The following CCDC18 variants were observed in gnomAD, a reference collection of about 807,000 sequenced individuals.
CCDC18 encodes the protein coiled-coil domain-containing protein 18.
Under a neutral mutation model 196.0 loss-of-function variants are expected in CCDC18, and 157 were observed. The ratio of observed to expected loss-of-function variants is 0.80; its 90% CI spans 0.70 to 0.91. The LOEUF (loss-of-function observed/expected upper bound fraction) is 0.91, where lower values mean the gene tolerates loss of function less well. CCDC18 is among the 40% of genes least tolerant of loss of function. The probability of loss-of-function intolerance (pLI) is 0.00; values close to 1 mark genes in which losing one functional copy is unlikely to be tolerated. For synonymous variants in CCDC18, 482 were observed against 529.2 expected, an observed-to-expected ratio of 0.91 and a Z score of 1.22; for missense variants, 1,465 against 1,611.6, an observed-to-expected ratio of 0.91 and a Z score of 1.56.
intron 4 of CCDC18, among the ~76,000 whole-genome samples, chr1:93,187,573 T>C (rs1198980313): frequency 1.3e-5 from 2 of 152,110 alleles, no homozygotes; most frequent in Admixed American, 6.5e-5. Context: ...TTATAAACAT[T>C]GTATACATAC....
At chr1:93,184,193 G>T in intron 3 of CCDC18, 47 bp downstream of exon 3, 1 of 1,187,832 alleles carries the variant, frequency 8.4e-7, no homozygotes, top group Non-Finnish European at 1.1e-6. Flanking sequence ...TTGGTTTTAG[G>T]CCTGTCTACT....
chr1:93,190,348 C>T (rs968179666), intron 4 of CCDC18, among the ~76,000 whole-genome samples: 3 of 152,102 alleles, frequency 2.0e-5, no homozygotes, highest in South Asian at 2.1e-4. Flanking sequence ...ATTAGCTGGG[C>T]GTGGTGATGT....
At position 93,207,269 on chromosome 1, in the gene CCDC18, A is replaced by C; in HGVS notation, c.1080A>C (p.Leu360Phe). Residue 360 changes from leucine to phenylalanine, a missense_variant, in exon 9 of 29, where the codon TTA becomes TTC. Transcript: ENST00000690025. ...KDEILRDKFS[L>F]MNENRELKVR... ...AAATACTTAGAGACAAATTTTCTTT[A>C]ATGAATGAAAACCGAGAATTAAAGG... 2 of 1,613,722 alleles carry C rather than the reference A, an allele frequency of 1.2e-6. No individual in the cohort carries two copies. The highest frequency in any genetic ancestry group is 8.5e-7 in the Non-Finnish European group (1 of 1,179,728).
Position 93,201,915 on chromosome 1 carries a change from C to T in CCDC18, c.722C>T (p.Ala241Val). 3 of 1,598,138 alleles carry T rather than the reference C, an allele frequency of 1.9e-6. No individual in the cohort carries two copies. Among genetic ancestry groups the T allele is most frequent in the South Asian group, 2.3e-5 (2 of 87,890 alleles). Residue 241 changes from alanine to valine, a missense_variant, in exon 7 of 29, where the codon GCA (alanine) becomes GTA (valine). By Grantham distance (64) the Ala-to-Val change is moderately conservative (BLOSUM62 0). Coordinates refer to ENST00000690025, the MANE Select transcript of CCDC18 (RefSeq NM_001378204.1). ...AGAGCTGAACGACAAAGGAATGAAG[C>T]ACTATATAATGCCGAAGAGCTGAGT... The part of the protein sequence containing the change: ...GKRAERQRNE[A>V]LYNAEELSKA...
intron 4 of CCDC18, among the ~76,000 whole-genome samples, chr1:93,188,411 T>C (rs1651095292): frequency 6.6e-6 from 1 of 152,232 alleles, no homozygotes; most frequent in Non-Finnish European, 1.5e-5. Flanking sequence ...GTTTCCTGAA[T>C]TCTATTTTTT....
At chr1:93,266,048 A>G (rs1664459482) in intron 27 of CCDC18, among the ~76,000 whole-genome samples, 1 of 152,254 alleles carries the variant, frequency 6.6e-6, no homozygotes, top group African/African-American at 2.4e-5. Context: ...TTGGAAATAA[A>G]GCATTCTTCA....
chr1:93,265,644 A>AG (rs1664399208), intron 27 of CCDC18, among the ~76,000 whole-genome samples: 1 of 152,192 alleles, frequency 6.6e-6, no homozygotes, highest in African/African-American at 2.4e-5. Flanking sequence ...TTGGCACTCT[A>AG]GCCACTTTAA....
chr1:93,238,326 G>A (rs1009302877), intron 19 of CCDC18, among the ~76,000 whole-genome samples: 1 of 152,142 alleles, frequency 6.6e-6, no homozygotes, highest in Admixed American at 6.5e-5. Context: ...GGACATATTT[G>A]AGGATCTGGT....
intron 17 of CCDC18, among the ~76,000 whole-genome samples, chr1:93,230,303 C>T (rs760349424): frequency 2.6e-5 from 4 of 151,314 alleles, no homozygotes; most frequent in Non-Finnish European, 2.9e-5. Context: ...AGATCTAACA[C>T]GGTGAAACCC....
At position 93,235,182 on chromosome 1, in the gene CCDC18, G is replaced by A. The variant is rs991456570; in HGVS notation, c.2461-1066G>A. 2.6e-5 allele frequency among the ~76,000 whole-genome samples: 4 copies of A among 151,874 alleles called. No homozygotes were observed. The East Asian group carries it at 7.7e-4, about 29-fold the overall frequency. ...CTTCAGTGAGGGATTTTAGAAGAAC[G>A]GGGGATATGCAGGTCAGAGTTGAGA... On this transcript the variant is annotated intron_variant, in intron 18 of 28. Coordinates refer to ENST00000690025, the MANE Select transcript of CCDC18 (RefSeq NM_001378204.1).
At chr1:93,193,457 TTAACAAG>T (rs1448223841) in intron 5 of CCDC18, among the ~76,000 whole-genome samples, 152 bp from the exon 6 acceptor site, 3 of 152,212 alleles carry the variant, frequency 2.0e-5, no homozygotes, top group Non-Finnish European at 4.4e-5. Context: ...AAACTCTTAA[TTAACAAG>T]TGATGAATAT....
In CCDC18 at chr1:93,232,454, TAA is replaced by T. The variant is rs750060747; in HGVS notation, c.2326_2327del (p.Asn776SerfsTer8). The T allele has an allele frequency of 2.5e-6, 4 of 1,605,598 alleles. No homozygotes were observed. Among genetic ancestry groups the T allele is most frequent in the Admixed American group, 3.4e-5 (2 of 59,076 alleles). ...TATTGTTTACAGAAAGAGCTAAAGATAAAAAATCACAGTCTTCAAGAGACTTC... is the reference window on the plus strand; with the variant it reads ...TATTGTTTACAGAAAGAGCTAAAGATAAAATCACAGTCTTCAAGAGACTTC... On this transcript the variant is annotated frameshift_variant, in exon 18 of 29. Transcript: ENST00000690025. LOFTEE classifies it high-confidence loss of function.
At chr1:93,272,149 G>A (rs1665326825) in intron 28 of CCDC18, among the ~76,000 whole-genome samples, 1 of 152,156 alleles carries the variant, frequency 6.6e-6, no homozygotes, top group African/African-American at 2.4e-5. Flanking sequence ...AAATTGTTGA[G>A]TGAGTTTTTC....
chr1:93,188,846 T>C (rs569418911), intron 4 of CCDC18, among the ~76,000 whole-genome samples: 1 of 152,200 alleles, frequency 6.6e-6, no homozygotes, highest in Non-Finnish European at 1.5e-5. Flanking sequence ...TTTTTAATTT[T>C]TGTGGGTACA....
At chr1:93,196,353 T>C (rs1266480383) in intron 6 of CCDC18, among the ~76,000 whole-genome samples, 1 of 110,116 alleles carries the variant, frequency 9.1e-6, no homozygotes, top group Non-Finnish European at 2.3e-5. Context: ...TGGAAAGAAA[T>C]GTTTCAGATA....
At chr1:93,202,687 G>T (rs1654030136) in intron 7 of CCDC18, among the ~76,000 whole-genome samples, 2 of 152,136 alleles carry the variant, frequency 1.3e-5, no homozygotes, top group African/African-American at 4.8e-5. Flanking sequence ...AAGAAGATGG[G>T]TGTTCATTTA....
intron 16 of CCDC18, among the ~76,000 whole-genome samples, chr1:93,223,820 T>C (rs1432508351): frequency 1.3e-5 from 2 of 151,960 alleles, no homozygotes; most frequent in Non-Finnish European, 2.9e-5. Flanking sequence ...CCCTATCTGG[T>C]TGTCTCCAGA....
intron 10 of CCDC18, 65 bp from the exon 11 acceptor site, chr1:93,212,036 A>T (rs750447434): frequency 2.2e-6 from 3 of 1,335,736 alleles, no homozygotes; most frequent in Non-Finnish European, 3.1e-6. Flanking sequence ...GGTGAAAAAT[A>T]GTACAGTATG....
chr1:93,180,480 A>C (rs754790813), upstream of CCDC18: 5 of 1,500,886 alleles, frequency 3.3e-6, no homozygotes, highest in African/African-American at 7.2e-5. Context: ...CGGCCCCCTC[A>C]GGCCAGGCGT....
Sources: allele counts gnomAD v4.1 joint callset (sites outside exome capture counted in the v4.1 genomes callset), GRCh38; gene constraint gnomAD v4.1.1; transcripts MANE v1.5; gene names NCBI Gene and HGNC (gene_info 2026-07-23, HGNC 2026-07-21).